Variants in ATRN observed in about 807,000 individuals in gnomAD.
The protein encoded by ATRN is attractin-2.
Under a neutral mutation model 178.7 loss-of-function variants are expected in ATRN, and 54 were observed. The observed-to-expected ratio is 0.30, with a 90% CI of 0.24 to 0.38. The LOEUF (loss-of-function observed/expected upper bound fraction) is 0.38. Ranked by LOEUF, ATRN falls within the 10% of genes least tolerant of loss-of-function variation. ATRN has a pLI of 1.00. For missense variants in ATRN, 1,443 were observed against 1,815.1 expected (o/e 0.79, Z 3.73); for synonymous variants, 636 against 663.0 (o/e 0.96, Z 0.63).
intron 1 of ATRN, among the ~76,000 whole-genome samples, chr20:3,505,365 G>A (rs901413394): frequency 6.6e-6 from 1 of 152,190 alleles, no homozygotes; most frequent in South Asian, 2.1e-4. Context: ...TACACCACCA[G>A]CTCCCTTGGT....
intron 1 of ATRN, among the ~76,000 whole-genome samples, chr20:3,491,973 A>T (rs886673474): frequency 6.6e-6 from 1 of 152,050 alleles, no homozygotes; most frequent in Non-Finnish European, 1.5e-5. Flanking sequence ...TATCTTGCCC[A>T]TTGCCTTTTC....
At chr20:3,609,386 A>G (rs1365821329) in intron 24 of ATRN, among the ~76,000 whole-genome samples, 3 of 152,128 alleles carry the variant, frequency 2.0e-5, no homozygotes, top group Non-Finnish European at 4.4e-5. Flanking sequence ...TTGATTTTGT[A>G]TCCTGCAACT....
rs2084932012 is a variant in ATRN at position 3,499,861 on chromosome 20, G to A, written c.410+28344G>A. Among the ~76,000 whole-genome samples, 4 of 146,824 alleles carry A rather than the reference G, an allele frequency of 2.7e-5. No homozygotes were observed. In the South Asian group the frequency reaches 8.7e-4, roughly 32 times the overall value. On this transcript the variant is annotated intron_variant, in intron 1 of 28. Coordinates refer to ENST00000262919, the MANE Select transcript of ATRN (RefSeq NM_139321.3). The stretch of plus-strand genomic sequence containing the variant: ...GATCTAATTAAACTAAAGAGCTTCT[G>A]CACAGCAAAAGAAACTACCATCAGA...
chr20:3,613,653 G>A (rs950711246), intron 24 of ATRN, among the ~76,000 whole-genome samples: 10 of 152,194 alleles, frequency 6.6e-5, no homozygotes, highest in African/African-American at 2.4e-4. Flanking sequence ...TGCAGGCAAA[G>A]CCGTTTTGCC....
chr20:3,480,260 T>C (rs1427669234), intron 1 of ATRN, among the ~76,000 whole-genome samples: 2 of 152,232 alleles, frequency 1.3e-5, no homozygotes, highest in African/African-American at 4.8e-5. Context: ...TTTAATGGAC[T>C]CAATCAGAGT....
chr20:3,620,675 T>A (rs968903973), intron 24 of ATRN, among the ~76,000 whole-genome samples: 2 of 152,256 alleles, frequency 1.3e-5, no homozygotes, highest in African/African-American at 4.8e-5. Flanking sequence ...TGTTGTAAGC[T>A]ATCCAGAGTT....
chr20:3,506,703 GACACAC>G (rs199888321), intron 1 of ATRN, among the ~76,000 whole-genome samples: 1 of 148,988 alleles, frequency 6.7e-6, no homozygotes, highest in Non-Finnish European at 1.5e-5. Flanking sequence ...GCCATTAGTG[GACACAC>G]ACACACACAC....
intron 1 of ATRN, among the ~76,000 whole-genome samples, chr20:3,517,973 G>A (rs1207708308): frequency 6.6e-6 from 1 of 152,148 alleles, no homozygotes; most frequent in African/African-American, 2.4e-5. Context: ...AACATCTGAA[G>A]CATTGCTACT....
chr20:3,511,521 A>G (rs1158951968), intron 1 of ATRN, among the ~76,000 whole-genome samples: 1 of 152,100 alleles, frequency 6.6e-6, no homozygotes, highest in Non-Finnish European at 1.5e-5. Context: ...GTAAATACTC[A>G]TAGGAGGTCG....
chr20:3,619,851 CCTCA>C (rs1307763015), intron 24 of ATRN, among the ~76,000 whole-genome samples: 1 of 152,194 alleles, frequency 6.6e-6, no homozygotes, highest in Non-Finnish European at 1.5e-5. Flanking sequence ...TTCCCTGGCC[CCTCA>C]CTCTTGAGGG....
intron 1 of ATRN, among the ~76,000 whole-genome samples, chr20:3,512,840 G>A (rs2085155267): frequency 1.3e-5 from 2 of 152,166 alleles, no homozygotes; most frequent in African/African-American, 4.8e-5. Context: ...GTTTTGATTT[G>A]CATTTCTCTG....
chr20:3,514,372 C>T (rs151510), intron 1 of ATRN, among the ~76,000 whole-genome samples: 34,569 of 152,066 alleles, frequency 0.23, 4,475 homozygotes, highest in African/African-American at 0.32. Flanking sequence ...TTTCATACAG[C>T]CAGCATCATT....
rs189924790 is a variant in ATRN, at chr20:3,573,684, A to G, written c.2092+733A>G. Among the ~76,000 whole-genome samples, 189 of 152,218 alleles carry G rather than the reference A, an allele frequency of 1.2e-3. 2 individuals are homozygous for G. Among genetic ancestry groups the G allele is most frequent in the Admixed American group, 2.2e-3 (34 of 15,288 alleles). On this transcript the variant is annotated intron_variant, in intron 12 of 28. Transcript: ENST00000262919. ...TTCTGCCTGCTTTGCTTCTTGTCCT[A>G]TATTGCTGTGACATAGAGCACAATG...
intron 18 of ATRN, among the ~76,000 whole-genome samples, chr20:3,587,039 G>C (rs2086367867): frequency 6.6e-6 from 1 of 152,070 alleles, no homozygotes; most frequent in Non-Finnish European, 1.5e-5. Flanking sequence ...ATCTTCTTTG[G>C]AGAAATATTT....
Position 3,584,095 on chromosome 20 carries a change from A to T in ATRN, c.2950+12A>T. 1 of 1,611,264 alleles carries T rather than the reference A, an allele frequency of 6.2e-7. No individual in the cohort carries two copies. The highest frequency in any genetic ancestry group is 8.5e-7 in the Non-Finnish European group (1 of 1,177,976). On this transcript the variant is annotated intron_variant, in intron 17 of 28. Transcript: ENST00000262919. ...GAGCACCTGCCCCCGTAAGTGAAAA[A>T]GGGAGCCCTAGGCACTTATGCATGC...
At chr20:3,560,359 GTA>G (rs1263868950) in intron 7 of ATRN, among the ~76,000 whole-genome samples, 1 of 152,064 alleles carries the variant, frequency 6.6e-6, no homozygotes, top group African/African-American at 2.4e-5. Flanking sequence ...GCTCCATTGT[GTA>G]TATATACACC....
At chr20:3,587,727 A>T (rs1016587143) in intron 18 of ATRN, among the ~76,000 whole-genome samples, 1 of 152,156 alleles carries the variant, frequency 6.6e-6, no homozygotes, top group Non-Finnish European at 1.5e-5. Flanking sequence ...GCATGTTCAT[A>T]TTAATTTTAG....
chr20:3,574,328 A>T (rs1011703341), intron 12 of ATRN, among the ~76,000 whole-genome samples: 2 of 152,196 alleles, frequency 1.3e-5, no homozygotes, highest in African/African-American at 4.8e-5. Flanking sequence ...CCTGGGCAAC[A>T]TAGTGAGACC....
intron 6 of ATRN, among the ~76,000 whole-genome samples, chr20:3,554,878 T>TA (rs928095259): frequency 8.1e-5 from 12 of 148,912 alleles, no homozygotes; most frequent in South Asian, 2.1e-4. Flanking sequence ...TTTTTAAGTT[T>TA]AAAAAAAAAT....
Sources: gnomAD v4.1 joint callset for allele counts (sites outside exome capture counted in the v4.1 genomes callset) on GRCh38, gnomAD v4.1.1 for gene constraint, MANE v1.5 for transcripts, NCBI Gene and HGNC (gene_info 2026-07-23, HGNC 2026-07-21) for gene names.